The following FAM219B variants were observed in gnomAD, a reference collection of about 807,000 sequenced individuals.
The protein encoded by FAM219B is family with sequence similarity 219 member B.
FAM219B carries 18 observed loss-of-function variants against 19.9 expected under a neutral mutation model. That is an observed-to-expected ratio of 0.91 (90% CI 0.63 to 1.34). The LOEUF (loss-of-function observed/expected upper bound fraction) is 1.34, where lower values mean the gene tolerates loss of function less well. FAM219B is among the 40% of genes most tolerant of loss of function. The pLI is 0.00. For missense variants in FAM219B, 283 were observed against 270.5 expected (o/e 1.05, Z -0.32); for synonymous variants, 123 against 117.5 (o/e 1.05, Z -0.30).
intron 3 of FAM219B, 167 bp downstream of exon 3, chr15:74,904,987 A>G: frequency 6.5e-7 from 1 of 1,540,942 alleles, no homozygotes; most frequent in Non-Finnish European, 8.7e-7. Flanking sequence ...ATTACCTATG[A>G]GTCTTCTAAC....
chr15:74,906,811 CG>C lies in FAM219B; in HGVS notation c.-12del, dbSNP rs2065222003. The C allele has an allele frequency of 1.0e-5, 13 of 1,276,000 alleles. No homozygotes were observed. In the South Asian group the frequency reaches 3.8e-4, roughly 37 times the overall value. The allele number at this position is 1,276,000 out of a possible 1,614,324, so 79.0% of individuals were successfully genotyped here. ...CTCCGCGGTCGCCATGGCCGGGCCCCGCCCTGCCGGATGGTGCAACCCCGCC... is the reference window on the plus strand; with the variant it reads ...CTCCGCGGTCGCCATGGCCGGGCCCCCCCTGCCGGATGGTGCAACCCCGCC... On this transcript the variant is annotated 5_prime_UTR_variant, in exon 1 of 5. Transcript: ENST00000357635.
At position 74,904,692 on chromosome 15, in the gene FAM219B, C is replaced by T. The variant is rs777656598; in HGVS notation, c.401G>A (p.Arg134Lys). 3.7e-6 allele frequency: 6 copies of T among 1,614,228 alleles called. No homozygotes were observed. In the South Asian group the frequency reaches 6.6e-5, roughly 18 times the overall value. The change falls in exon 4 of 5, where the codon AGA becomes AAA. Residue 134 changes from arginine (R) to lysine (K), a missense_variant. By Grantham distance (26) the Arg-to-Lys change is conservative. Transcript: ENST00000357635. ...DSDSDGELGS[R>K]YSSGYSSAEQ... Reference sequence around the variant, plus strand: ...TGCAGATGAATACCCGGAGGAGTATCTGGATCCCAGCTCCCCATCACTAGG... The same window carrying T: ...TGCAGATGAATACCCGGAGGAGTATTTGGATCCCAGCTCCCCATCACTAGG...
chr15:74,906,087 TTA>T (rs1321450497), intron 2 of FAM219B, 189 bp downstream of exon 2: 11 of 617,920 alleles, frequency 1.8e-5, no homozygotes, highest in Non-Finnish European at 3.1e-5. Flanking sequence ...CCGAAGCCCT[TTA>T]TCTGATCCTA....
At chr15:74,899,085 G>T (rs2064867811), downstream of FAM219B, 1 of 152,214 alleles carries the variant, frequency 6.6e-6, no homozygotes, top group Admixed American at 6.5e-5. Flanking sequence ...AATTTTCATG[G>T]CGAGGAGAAG....
Position 74,906,585 on chromosome 15 carries a change from A to G in FAM219B, c.214+2T>C. On this transcript the variant is annotated splice_donor_variant, in intron 1 of 4. Coordinates refer to ENST00000357635, the MANE Select transcript of FAM219B (RefSeq NM_020447.5). LOFTEE classifies it high-confidence loss of function. ...CTCCCCCGACCATCGGGCCACACTC[A>G]CGCAGCTTGGCTTGAATGGAGGGTG... 2 of 1,504,626 alleles carry G rather than the reference A, an allele frequency of 1.3e-6. No homozygotes were observed. Among genetic ancestry groups the G allele is most frequent in the Non-Finnish European group, 1.8e-6 (2 of 1,128,468 alleles). The allele number at this position is 1,504,626 out of a possible 1,614,324, so 93.2% of individuals were successfully genotyped here. A position where few individuals can be genotyped will look rare whatever the true frequency, so the allele number is the denominator to read the frequency against.
chr15:74,906,400 C>T (rs757740751), intron 1 of FAM219B, 35 bp from the exon 2 acceptor site: 3 of 1,578,314 alleles, frequency 1.9e-6, no homozygotes, highest in Non-Finnish European at 1.7e-6. Context: ...GCCGGGTCTT[C>T]CCCACTCCGC....
chr15:74,906,093 G>T, intron 2 of FAM219B, 185 bp downstream of exon 2: 2 of 638,634 alleles, frequency 3.1e-6, no homozygotes, highest in Non-Finnish European at 5.4e-6. Flanking sequence ...CCCTTTATCT[G>T]ATCCTATCAC....
At chr15:74,898,168 G>T (rs535618275), downstream of FAM219B, 1 of 333,786 alleles carries the variant, frequency 3.0e-6, no homozygotes, top group South Asian at 2.5e-5. Context: ...GGGTAGGCCT[G>T]TAGACTAACG....
In FAM219B at chr15:74,900,000, T is replaced by C. The variant is rs974250746; in HGVS notation, c.*2619A>G. 6.6e-6 allele frequency: 1 copy of C among 152,246 alleles called. No individual in the cohort carries two copies. Among genetic ancestry groups the C allele is most frequent in the Non-Finnish European group, 1.5e-5 (1 of 68,046 alleles). 9.4% of individuals were successfully genotyped at this position (152,246 alleles called of 1,614,324 possible). Reference sequence around the variant, plus strand: ...CACAGACACAGCTCAACTAGTGTGATTGCATTTATTCTTATAAATGTACAG... The same window carrying C: ...CACAGACACAGCTCAACTAGTGTGACTGCATTTATTCTTATAAATGTACAG... On this transcript the variant is annotated 3_prime_UTR_variant, in exon 5 of 5. Coordinates refer to ENST00000357635, the MANE Select transcript of FAM219B (RefSeq NM_020447.5).
chr15:74,902,790 A>T lies in FAM219B; in HGVS notation c.430-4T>A. Reference sequence around the variant, plus strand: ...GGCTCACATCCTGGTTCACCTGCTAAGAGAAGGAGAGGAGGGAACTATAGG... The same window carrying T: ...GGCTCACATCCTGGTTCACCTGCTATGAGAAGGAGAGGAGGGAACTATAGG... On this transcript the variant is annotated splice_region_variant and splice_polypyrimidine_tract_variant and intron_variant, in intron 4 of 4. Coordinates refer to ENST00000357635, the MANE Select transcript of FAM219B (RefSeq NM_020447.5). 1 of 1,604,710 alleles carries T rather than the reference A, an allele frequency of 6.2e-7. No individual in the cohort carries two copies. Among genetic ancestry groups the T allele is most frequent in the East Asian group, 2.2e-5 (1 of 44,626 alleles).
chr15:74,906,189 G>T (rs550335962), intron 2 of FAM219B, 89 bp downstream of exon 2: 83 of 1,365,316 alleles, frequency 6.1e-5, no homozygotes, highest in Non-Finnish European at 7.7e-5. Flanking sequence ...TCGCTAGCTC[G>T]GCCTTAAACC....
downstream of FAM219B, chr15:74,899,416 A>G (rs1165428747): frequency 1.3e-5 from 2 of 152,196 alleles, no homozygotes; most frequent in African/African-American, 4.8e-5. Flanking sequence ...CAGCTAAAAA[A>G]CAATAAAGAT....
chr15:74,899,275 G>A (rs551646845), downstream of FAM219B: 3 of 152,300 alleles, frequency 2.0e-5, no homozygotes, highest in South Asian at 6.2e-4. Flanking sequence ...GCTCCTTCCT[G>A]TGGGATAAAG....
In FAM219B at chr15:74,901,776, T is replaced by C. The variant is rs1311247421; in HGVS notation, c.*843A>G. The C allele has an allele frequency of 8.2e-6, 2 of 244,332 alleles. No individual in the cohort carries two copies. The highest frequency in any genetic ancestry group is 2.2e-5 in the African/African-American group (1 of 45,088). 15.1% of individuals were successfully genotyped at this position (244,332 alleles called of 1,614,324 possible). A position where few individuals can be genotyped will look rare whatever the true frequency, so the allele number is the denominator to read the frequency against. On this transcript the variant is annotated 3_prime_UTR_variant, in exon 5 of 5. Coordinates refer to ENST00000357635, the MANE Select transcript of FAM219B (RefSeq NM_020447.5). ...TCCCTGTAGCTCCCTCTGCTGGTAA[T>C]AATAAAAACTGCAGGCTTCTGGGGC...
Position 74,901,923 on chromosome 15 carries a change from A to G in FAM219B, c.*696T>C, listed in dbSNP as rs570205318. ...AGAGCAGTTTTTCTCTAACTAGGGAAGGGCAAACCAGAATCACTAAACTCA... is the reference window on the plus strand; with the variant it reads ...AGAGCAGTTTTTCTCTAACTAGGGAGGGGCAAACCAGAATCACTAAACTCA... On this transcript the variant is annotated 3_prime_UTR_variant, in exon 5 of 5. Coordinates refer to ENST00000357635, the MANE Select transcript of FAM219B (RefSeq NM_020447.5). 1.3e-5 allele frequency: 5 copies of G among 394,918 alleles called. No homozygotes were observed. Among genetic ancestry groups the G allele is most frequent in the African/African-American group, 1.0e-4 (5 of 48,724 alleles). The allele number at this position is 394,918 out of a possible 1,614,324, so 24.5% of individuals were successfully genotyped here.
In FAM219B at chr15:74,904,676, A is replaced by G. The variant is rs766189641; in HGVS notation, c.417T>C (p.Tyr139=). 1.2e-6 allele frequency: 2 copies of G among 1,614,080 alleles called. No homozygotes were observed. The highest frequency in any genetic ancestry group is 1.7e-5 in the Admixed American group (1 of 59,992). ...GELGSRYSSG[Y]SSAEQVNQDV... ...GTTCTGGACTTGCCTCTGCAGATGAATACCCGGAGGAGTATCTGGATCCCA... is the reference window on the plus strand; with the variant it reads ...GTTCTGGACTTGCCTCTGCAGATGAGTACCCGGAGGAGTATCTGGATCCCA... Residue 139 remains tyrosine (Y), a synonymous_variant, in exon 4 of 5, where the codon TAT becomes TAC. Coordinates refer to ENST00000357635, the MANE Select transcript of FAM219B (RefSeq NM_020447.5).
rs2064885901 is a variant in FAM219B, at chr15:74,900,024, A to G, written c.*2595T>C. 6.6e-6 allele frequency: 1 copy of G among 152,260 alleles called. No homozygotes were observed. The allele number at this position is 152,260 out of a possible 1,614,324, so 9.4% of individuals were successfully genotyped here. On this transcript the variant is annotated 3_prime_UTR_variant, in exon 5 of 5. Transcript: ENST00000357635. ...ATTGCATTTATTCTTATAAATGTACAGAGCTGTAGAAGTGCAAGCCAAGAG... is the reference window on the plus strand; with the variant it reads ...ATTGCATTTATTCTTATAAATGTACGGAGCTGTAGAAGTGCAAGCCAAGAG...
chr15:74,903,443 T>C (rs907196393), intron 4 of FAM219B, among the ~76,000 whole-genome samples: 2 of 150,646 alleles, frequency 1.3e-5, no homozygotes, highest in African/African-American at 2.4e-5. Flanking sequence ...TACTAAAAAA[T>C]AGAAAAAATT....
At position 74,906,337 on chromosome 15, in the gene FAM219B, A is replaced by T. The variant is rs1389440479; in HGVS notation, c.243T>A (p.Val81=). The change falls in exon 2 of 5, where the codon GTT becomes GTA. Residue 81 remains valine, a synonymous_variant. Coordinates refer to ENST00000357635, the MANE Select transcript of FAM219B (RefSeq NM_020447.5). ...LQKHRDLAKA[V]LRRKGMLGAS... is the part of the protein sequence containing the mutation. Reference sequence around the variant, plus strand: ...CCCCCAGCATGCCTTTTCTCCGCAGAACGGCCTTGGCCAGGTCCCGGTGCT... The same window carrying T: ...CCCCCAGCATGCCTTTTCTCCGCAGTACGGCCTTGGCCAGGTCCCGGTGCT... 23 of 1,613,172 alleles carry T rather than the reference A, an allele frequency of 1.4e-5. No homozygotes were observed. The highest frequency in any genetic ancestry group is 1.9e-5 in the Non-Finnish European group (23 of 1,179,828).
Sources: gnomAD v4.1 joint callset for allele counts (sites outside exome capture counted in the v4.1 genomes callset) on GRCh38, gnomAD v4.1.1 for gene constraint, MANE v1.5 for transcripts, NCBI Gene and HGNC (gene_info 2026-07-23, HGNC 2026-07-21) for gene names.